Variants in FCHO2 observed in about 807,000 individuals in gnomAD.
The protein encoded by FCHO2 is F-BAR domain only protein 2.
Under a neutral mutation model 114.1 loss-of-function variants are expected in FCHO2, and 43 were observed. That is an observed-to-expected ratio of 0.38 (90% CI 0.30 to 0.49). The LOEUF (loss-of-function observed/expected upper bound fraction) is 0.49. Among genes scored for constraint, FCHO2 ranks in the 20% least tolerant of loss-of-function variants. FCHO2 has a pLI of 0.97. For missense variants in FCHO2, 807 were observed against 950.4 expected, an observed-to-expected ratio of 0.85 and a Z score of 1.98; for synonymous variants, 293 against 315.2, an observed-to-expected ratio of 0.93 and a Z score of 0.75.
intron 15 of FCHO2, among the ~76,000 whole-genome samples, chr5:73,055,670 A>G (rs528897395): frequency 7.9e-5 from 12 of 152,324 alleles, no homozygotes; most frequent in Admixed American, 2.0e-4. Context: ...TGTCAATACA[A>G]TAATCACTAA....
intron 8 of FCHO2, among the ~76,000 whole-genome samples, chr5:73,027,596 G>A (rs986264698): frequency 6.6e-6 from 1 of 152,008 alleles, no homozygotes; most frequent in African/African-American, 2.4e-5. Flanking sequence ...AGTGGCCAAA[G>A]CTGGAATTAC....
intron 2 of FCHO2, among the ~76,000 whole-genome samples, chr5:72,976,403 C>T (rs1241229573): frequency 6.6e-6 from 1 of 151,822 alleles, no homozygotes; most frequent in Non-Finnish European, 1.5e-5. Context: ...AAGATGTGGT[C>T]TCAGCATGTT....
intron 15 of FCHO2, among the ~76,000 whole-genome samples, chr5:73,055,319 A>C (rs1014377725): frequency 1.3e-5 from 2 of 152,166 alleles, no homozygotes; most frequent in Non-Finnish European, 2.9e-5. Flanking sequence ...ACAACCAACC[A>C]AACTGAGCCA....
At chr5:73,039,812 C>T (rs147879621) in intron 10 of FCHO2, among the ~76,000 whole-genome samples, 2,180 of 151,962 alleles carry the variant, frequency 0.014, 43 homozygotes, top group South Asian at 0.054. Context: ...CCTGTAATCC[C>T]GGCTACTTGA....
At chr5:72,968,128 G>A (rs1752306673) in intron 1 of FCHO2, among the ~76,000 whole-genome samples, 1 of 151,606 alleles carries the variant, frequency 6.6e-6, no homozygotes, top group South Asian at 2.1e-4. Flanking sequence ...GTTTCACCAT[G>A]TTAGCCAGGA....
chr5:73,074,784 A>T lies in FCHO2; in HGVS notation c.1622A>T (p.Asp541Val). ...AGCCCTGTCAGCCTTGGAAATCAGG[A>T]TACCTTACCTGTGGCAGTTGCCCTT... ...GPSPVSLGNQ[D>V]TLPVAVALTE... is the part of the protein sequence containing the mutation. The change falls in exon 20 of 26, where the codon GAT (aspartate) becomes GTT (valine). Residue 541 changes from aspartate to valine, a missense_variant. Coordinates refer to ENST00000430046, the MANE Select transcript of FCHO2 (RefSeq NM_138782.3). 2 of 1,613,156 alleles carry T rather than the reference A, an allele frequency of 1.2e-6. No individual in the cohort carries two copies. Among genetic ancestry groups the T allele is most frequent in the Non-Finnish European group, 8.5e-7 (1 of 1,179,492 alleles).
chr5:73,039,681 AT>A (rs11351274), intron 10 of FCHO2, among the ~76,000 whole-genome samples: 20,638 of 150,884 alleles, frequency 0.14, 1,654 homozygotes, highest in East Asian at 0.35. Flanking sequence ...TAAACCCAGC[AT>A]TTTGGGAGGC....
Position 73,052,390 on chromosome 5 carries a change from A to G in FCHO2, c.1056A>G (p.Pro352=), listed in dbSNP as rs764130644. The G allele has an allele frequency of 1.2e-5, 19 of 1,608,330 alleles. No homozygotes were observed. In the Admixed American group the frequency reaches 1.9e-4, roughly 16 times the overall value. ...SSDSDSEDEE[P]KKYRIEIKPM... is the part of the protein sequence containing the mutation. ...ATTCTGACTCCGAAGATGAAGAACCAAAGAAGTATCGGATAGAAATTAAGC... is the reference window on the plus strand; with the variant it reads ...ATTCTGACTCCGAAGATGAAGAACCGAAGAAGTATCGGATAGAAATTAAGC... Residue 352 remains proline (P), a synonymous_variant, in exon 13 of 26, where the codon CCA becomes CCG. Coordinates refer to ENST00000430046, the MANE Select transcript of FCHO2 (RefSeq NM_138782.3).
chr5:72,997,762 C>G (rs903730227), intron 5 of FCHO2: 1 of 1,354,860 alleles, frequency 7.4e-7, no homozygotes, highest in African/African-American at 1.5e-5. Context: ...GCCCCTCCAA[C>G]CCCTCTCTGC....
intron 22 of FCHO2, among the ~76,000 whole-genome samples, chr5:73,080,035 TAAAATATTTTGTTAAACC>T (rs778753548): frequency 2.4e-4 from 36 of 152,216 alleles, no homozygotes; most frequent in Non-Finnish European, 4.4e-4. Flanking sequence ...TGTGTGTTTA[TAAAATATTTTGTTAAACC>T]TTTAAACACA....
chr5:73,084,590 G>A (rs987731146), intron 24 of FCHO2, among the ~76,000 whole-genome samples: 9 of 152,076 alleles, frequency 5.9e-5, no homozygotes, highest in Non-Finnish European at 1.0e-4. Context: ...TCCTCTATTT[G>A]ATAGGTTTTT....
chr5:73,046,248 G>T (rs1265460297), intron 11 of FCHO2, among the ~76,000 whole-genome samples: 1 of 152,052 alleles, frequency 6.6e-6, no homozygotes, highest in Non-Finnish European at 1.5e-5. Context: ...TTATTTTTGA[G>T]TAGAGACAAG....
intron 6 of FCHO2, among the ~76,000 whole-genome samples, chr5:73,006,827 TAAG>T (rs1251314069): frequency 6.6e-6 from 1 of 152,178 alleles, no homozygotes; most frequent in African/African-American, 2.4e-5. Flanking sequence ...AGACAGTGCT[TAAG>T]AAGCATTAAT....
Position 72,990,725 on chromosome 5 carries a change from T to C in FCHO2, c.356T>C (p.Val119Ala). ...CATACTAAACAGACTAAAGAAGAAGTTGCAGGAACTCTGGAAGCTGTCCAA... is the reference window on the plus strand; with the variant it reads ...CATACTAAACAGACTAAAGAAGAAGCTGCAGGAACTCTGGAAGCTGTCCAA... The part of the protein sequence containing the change: ...VKSHKKTKEE[V>A]AGTLEAVQTI... The change falls in exon 5 of 26, where the codon GTT becomes GCT. Residue 119 changes from valine (V) to alanine (A), a missense_variant. Transcript: ENST00000430046. 6.4e-7 allele frequency: 1 copy of C among 1,555,424 alleles called. No individual in the cohort carries two copies. Among genetic ancestry groups the C allele is most frequent in the South Asian group, 1.2e-5 (1 of 82,886 alleles).
chr5:73,006,983 G>T (rs1302675423), intron 6 of FCHO2, among the ~76,000 whole-genome samples: 1 of 152,130 alleles, frequency 6.6e-6, no homozygotes, highest in Non-Finnish European at 1.5e-5. Flanking sequence ...AATTATATTT[G>T]GTGTAGTGTT....
At chr5:72,964,493 C>T (rs920020114) in intron 1 of FCHO2, among the ~76,000 whole-genome samples, 3 of 152,132 alleles carry the variant, frequency 2.0e-5, no homozygotes, top group African/African-American at 7.2e-5. Context: ...AAGTGATTCT[C>T]CTGGCTCAGC....
At chr5:73,066,031 T>C (rs1742302111) in intron 18 of FCHO2, among the ~76,000 whole-genome samples, 1 of 152,092 alleles carries the variant, frequency 6.6e-6, no homozygotes. Context: ...CTCAGGATAA[T>C]GGCCTCCAGT....
intron 11 of FCHO2, among the ~76,000 whole-genome samples, chr5:73,049,172 G>A (rs551065167): frequency 2.6e-5 from 4 of 152,154 alleles, no homozygotes; most frequent in African/African-American, 9.6e-5. Context: ...CACCGCGCCC[G>A]GCCTGAATTT....
intron 18 of FCHO2, among the ~76,000 whole-genome samples, chr5:73,065,623 G>A (rs1312448931): frequency 2.6e-5 from 4 of 151,934 alleles, no homozygotes; most frequent in African/African-American, 7.2e-5. Context: ...AATGCAAATA[G>A]TTGCTCAAAA....
Sources: gnomAD v4.1 joint callset for allele counts (sites outside exome capture counted in the v4.1 genomes callset) on GRCh38, gnomAD v4.1.1 for gene constraint, MANE v1.5 for transcripts, NCBI Gene and HGNC (gene_info 2026-07-23, HGNC 2026-07-21) for gene names.